CLVS1: variants seen among roughly 807,000 people sequenced by gnomAD.
CLVS1 encodes the protein clavesin-1.
A neutral mutation model predicts 33.1 loss-of-function variants in CLVS1; 10 were observed. The ratio of observed to expected loss-of-function variants is 0.30; its 90% CI spans 0.19 to 0.51. The LOEUF (loss-of-function observed/expected upper bound fraction) is 0.51, where lower values mean the gene tolerates loss of function less well. CLVS1 is among the 20% of genes least tolerant of loss of function. The pLI is 0.97. For missense variants in CLVS1, 343 were observed against 433.4 expected (o/e 0.79, Z 1.85); for synonymous variants, 163 against 166.1 (o/e 0.98, Z 0.14).
At chr8:61,403,345 T>C (rs1447976028) in intron 3 of CLVS1, among the ~76,000 whole-genome samples, 1 of 152,100 alleles carries the variant, frequency 6.6e-6, no homozygotes, top group Non-Finnish European at 1.5e-5. Context: ...GTGGAAACAG[T>C]TGGAGGGCTC....
intron 3 of CLVS1, among the ~76,000 whole-genome samples, chr8:61,427,652 C>T (rs1815943927): frequency 6.6e-6 from 1 of 152,208 alleles, no homozygotes; most frequent in Non-Finnish European, 1.5e-5. Flanking sequence ...CTACTGAATC[C>T]TCACAGTCAC....
chr8:61,212,529 G>C (rs993189184), intron 2 of CLVS1, among the ~76,000 whole-genome samples: 51 of 152,270 alleles, frequency 3.3e-4, no homozygotes, highest in African/African-American at 1.2e-3. Context: ...AGGCTTGTGT[G>C]GGGGAATACA....
intron 1 of CLVS1, chr8:61,090,792 C>T (rs1805229507): frequency 6.2e-6 from 3 of 487,380 alleles, no homozygotes; most frequent in Non-Finnish European, 1.2e-5. Flanking sequence ...GAATTTTCCT[C>T]TAGGATGGAT....
chr8:61,035,369 A>G, the CLVS1 span, among the ~76,000 whole-genome samples: 1 of 151,784 alleles, frequency 6.6e-6, no homozygotes, highest in African/African-American at 2.4e-5. Flanking sequence ...TTTTGTTTTC[A>G]CAAAGTCGAC....
intron 1 of CLVS1, among the ~76,000 whole-genome samples, chr8:61,289,944 T>C (rs1020425756): frequency 2.6e-5 from 4 of 152,284 alleles, no homozygotes; most frequent in Admixed American, 6.5e-5. Flanking sequence ...TGTGGTGAAA[T>C]GGATTTTATA....
intron 2 of CLVS1, among the ~76,000 whole-genome samples, chr8:61,222,598 A>G (rs1474938280): frequency 6.6e-6 from 1 of 152,144 alleles, no homozygotes; most frequent in African/African-American, 2.4e-5. Flanking sequence ...ACTTCCAATT[A>G]TGTGGTCGAT....
chr8:61,091,178 G>A (rs982172124), intron 1 of CLVS1, among the ~76,000 whole-genome samples: 16 of 152,198 alleles, frequency 1.1e-4, no homozygotes, highest in African/African-American at 3.9e-4. Context: ...GAAGCACAGA[G>A]GAGAAGGCCA....
intron 1 of CLVS1, among the ~76,000 whole-genome samples, chr8:61,127,898 C>T (rs1276964561): frequency 6.6e-6 from 1 of 152,116 alleles, no homozygotes; most frequent in Non-Finnish European, 1.5e-5. Context: ...AGAACCATTC[C>T]AATTAGTAGT....
At chr8:61,486,958 T>G (rs912910672) in intron 5 of CLVS1, among the ~76,000 whole-genome samples, 2 of 152,218 alleles carry the variant, frequency 1.3e-5, no homozygotes, top group Non-Finnish European at 2.9e-5. Context: ...TTGATTTGAT[T>G]AAGATACTAT....
intron 1 of CLVS1, among the ~76,000 whole-genome samples, chr8:61,088,214 C>A (rs1160919526): frequency 6.6e-6 from 1 of 152,182 alleles, no homozygotes; most frequent in East Asian, 1.9e-4. Flanking sequence ...ATTGGCCGGG[C>A]ACGATGGCTC....
At chr8:61,283,128 A>T (rs1403749422), upstream of CLVS1, among the ~76,000 whole-genome samples, 1 of 152,220 alleles carries the variant, frequency 6.6e-6, no homozygotes, top group East Asian at 1.9e-4. Flanking sequence ...GAATGAAAAT[A>T]TTCTCTCTCC....
At chr8:61,248,124 A>G (rs1040346092) in intron 2 of CLVS1, among the ~76,000 whole-genome samples, 1 of 151,956 alleles carries the variant, frequency 6.6e-6, no homozygotes, top group African/African-American at 2.4e-5. Flanking sequence ...TGGACTTTCT[A>G]TTCTGTTAAA....
At chr8:61,339,774 G>C (rs1241362272) in intron 2 of CLVS1, among the ~76,000 whole-genome samples, 1 of 129,720 alleles carries the variant, frequency 7.7e-6, no homozygotes, top group Non-Finnish European at 1.6e-5. Flanking sequence ...AGAGAGGGAA[G>C]GAAAGAAAAC....
In CLVS1 at chr8:61,317,349, T is replaced by C. The variant is rs531885453; in HGVS notation, c.455+17067T>C. On this transcript the variant is annotated intron_variant, in intron 2 of 5. Transcript: ENST00000325897. ...CACTTTTACAATGACCTTACTCCCT[T>C]TCCTGAGGGGAGGAGTCCTCATGAT... 9.8e-5 allele frequency among the ~76,000 whole-genome samples: 15 copies of C among 152,312 alleles called. No individual in the cohort carries two copies. The South Asian group carries it at 1.5e-3, about 15-fold the overall frequency.
chr8:60,973,396 T>C, the CLVS1 span, among the ~76,000 whole-genome samples: 1 of 152,224 alleles, frequency 6.6e-6, no homozygotes, highest in African/African-American at 2.4e-5. Flanking sequence ...TTTGTGTACT[T>C]GATCTTTTCA....
chr8:61,107,190 G>A (rs1489614756), intron 1 of CLVS1, among the ~76,000 whole-genome samples: 1 of 152,252 alleles, frequency 6.6e-6, no homozygotes, highest in African/African-American at 2.4e-5. Context: ...TAGAGAGAGT[G>A]AGACGTGTTC....
chr8:61,487,130 C>T (rs780833061), intron 5 of CLVS1, among the ~76,000 whole-genome samples: 1 of 152,034 alleles, frequency 6.6e-6, no homozygotes, highest in Admixed American at 6.6e-5. Context: ...CATTTCTAAC[C>T]AGCTCCCAGG....
intron 2 of CLVS1, among the ~76,000 whole-genome samples, chr8:61,197,929 C>T (rs1028830925): frequency 5.9e-5 from 9 of 152,226 alleles, no homozygotes; most frequent in Non-Finnish European, 1.0e-4. Context: ...CTTCCTGCTA[C>T]ACAGCCATTG....
the CLVS1 span, among the ~76,000 whole-genome samples, chr8:60,993,227 A>G: frequency 6.6e-6 from 1 of 152,200 alleles, no homozygotes; most frequent in African/African-American, 2.4e-5. Flanking sequence ...CTAGATCTCA[A>G]TACATTTCTG....
Sources: gnomAD v4.1 joint callset for allele counts (sites outside exome capture counted in the v4.1 genomes callset) on GRCh38, gnomAD v4.1.1 for gene constraint, MANE v1.5 for transcripts, NCBI Gene and HGNC (gene_info 2026-07-23, HGNC 2026-07-21) for gene names.